MDGA2: variants seen among roughly 807,000 people sequenced by gnomAD.
MDGA2 encodes MAM domain containing glycosylphosphatidylinositol anchor 2.
In MDGA2, 40 loss-of-function variants were observed where a neutral mutation model predicts 117.8. That is an observed-to-expected ratio of 0.34 (90% CI 0.26 to 0.44). The LOEUF (loss-of-function observed/expected upper bound fraction) is 0.44, where lower values mean the gene tolerates loss of function less well. MDGA2 is among the 20% of genes least tolerant of loss of function. The pLI, the probability that MDGA2 is intolerant of heterozygous loss-of-function variation, is 1.00. For synonymous variants in MDGA2, 452 were observed against 439.0 expected (o/e 1.03, Z -0.37); for missense variants, 1,123 against 1,250.6 (o/e 0.90, Z 1.54).
intron 3 of MDGA2, among the ~76,000 whole-genome samples, chr14:47,176,844 T>C (rs956357685): frequency 6.6e-6 from 1 of 152,048 alleles, no homozygotes; most frequent in African/African-American, 2.4e-5. Flanking sequence ...CAAAAGAAAC[T>C]ACCATCAGAG....
chr14:47,629,746 CT>C (rs1897218951), intron 1 of MDGA2, among the ~76,000 whole-genome samples: 3 of 152,120 alleles, frequency 2.0e-5, no homozygotes, highest in Admixed American at 2.0e-4. Flanking sequence ...TAGGTGCATC[CT>C]TTCTTCCTAA....
rs562174508 is a variant in MDGA2, at chr14:47,520,006, TG to T, written c.280+154510del. Among the ~76,000 whole-genome samples the T allele has an allele frequency of 1.7e-4, 26 of 152,330 alleles. No homozygotes were observed. The South Asian group carries it at 5.4e-3, about 32-fold the overall frequency. On this transcript the variant is annotated intron_variant, in intron 1 of 16. Coordinates refer to ENST00000399232, the MANE Select transcript of MDGA2 (RefSeq NM_001113498.3). ...TGCTTGAGAACAAGGGGAACTATTTTGGAACAACCTCATATTTTTAAAGTCA... is the reference window on the plus strand; with the variant it reads ...TGCTTGAGAACAAGGGGAACTATTTTGAACAACCTCATATTTTTAAAGTCA...
intron 3 of MDGA2, among the ~76,000 whole-genome samples, chr14:47,186,599 A>C (rs1884920548): frequency 6.6e-6 from 1 of 151,928 alleles, no homozygotes; most frequent in African/African-American, 2.4e-5. Flanking sequence ...CAAGTAAGGA[A>C]ACAGAACTGG....
intron 1 of MDGA2, among the ~76,000 whole-genome samples, chr14:47,483,884 G>T (rs1474658495): frequency 6.6e-6 from 1 of 152,106 alleles, no homozygotes; most frequent in Non-Finnish European, 1.5e-5. Flanking sequence ...AGAAGTGCTG[G>T]AGTATTCCCA....
At chr14:46,878,590 T>C (rs1304922127) in intron 11 of MDGA2, among the ~76,000 whole-genome samples, 1 of 152,044 alleles carries the variant, frequency 6.6e-6, no homozygotes, top group Non-Finnish European at 1.5e-5. Context: ...CCACTATTCC[T>C]ACATACAGAA....
At chr14:46,892,670 TA>T (rs1566511016) in intron 10 of MDGA2, among the ~76,000 whole-genome samples, 1 of 151,644 alleles carries the variant, frequency 6.6e-6, no homozygotes, top group African/African-American at 2.4e-5. Context: ...AAAAAACAAA[TA>T]ATCTGACCCT....
chr14:47,157,602 TG>T (rs1280563772), intron 3 of MDGA2, among the ~76,000 whole-genome samples: 1 of 56,988 alleles, frequency 1.8e-5, no homozygotes, highest in African/African-American at 7.2e-5. Flanking sequence ...TATATGTGTG[TG>T]TGTGTGTGTG....
chr14:47,299,031 C>A (rs1489470340), intron 2 of MDGA2, among the ~76,000 whole-genome samples: 1 of 152,028 alleles, frequency 6.6e-6, no homozygotes, highest in Non-Finnish European at 1.5e-5. Flanking sequence ...AACTGATTCA[C>A]CTGCAAACAC....
rs780813021 is a variant in MDGA2, at chr14:47,665,144, G to A, written c.280+9373C>T. Among the ~76,000 whole-genome samples the A allele has an allele frequency of 2.0e-4, 30 of 151,488 alleles. 1 individual carries two copies. Among genetic ancestry groups the A allele is most frequent in the Admixed American group, 2.6e-4 (4 of 15,186 alleles). ...CACCTAGAACCCACACAATAGCAAT[G>A]CCCTTTCTTCCTTCTTTATCTATAT... On this transcript the variant is annotated intron_variant, in intron 1 of 16. Coordinates refer to ENST00000399232, the MANE Select transcript of MDGA2 (RefSeq NM_001113498.3).
At chr14:46,976,136 A>T (rs1470948973) in intron 8 of MDGA2, among the ~76,000 whole-genome samples, 1 of 152,172 alleles carries the variant, frequency 6.6e-6, no homozygotes, top group East Asian at 1.9e-4. Context: ...AAGATGGATG[A>T]CAGTGTTGGA....
Position 46,868,308 on chromosome 14 carries a change from T to C in MDGA2, c.2752+5125A>G, listed in dbSNP as rs533396815. Reference sequence around the variant, plus strand: ...GATTAAACAGGAGAAAAAGTACTTATTCAATTAGATAAACAAATATTTATT... The same window carrying C: ...GATTAAACAGGAGAAAAAGTACTTACTCAATTAGATAAACAAATATTTATT... On this transcript the variant is annotated intron_variant, in intron 14 of 16. Coordinates refer to ENST00000399232, the MANE Select transcript of MDGA2 (RefSeq NM_001113498.3). Among the ~76,000 whole-genome samples, 15 of 152,124 alleles carry C rather than the reference T, an allele frequency of 9.9e-5. No individual in the cohort carries two copies. The South Asian group carries it at 3.1e-3, about 32-fold the overall frequency.
chr14:46,896,481 T>C (rs1374236265), intron 10 of MDGA2, among the ~76,000 whole-genome samples: 2 of 152,098 alleles, frequency 1.3e-5, no homozygotes, highest in Non-Finnish European at 2.9e-5. Context: ...TCATCTAACT[T>C]ATGTTGGCAC....
chr14:47,315,454 T>C (rs1267756902), intron 1 of MDGA2, among the ~76,000 whole-genome samples: 1 of 152,158 alleles, frequency 6.6e-6, no homozygotes, highest in African/African-American at 2.4e-5. Context: ...GTGACTTTCT[T>C]GGCAGGGTCT....
chr14:46,853,394 T>A (rs1402238867), intron 15 of MDGA2, among the ~76,000 whole-genome samples: 1 of 151,538 alleles, frequency 6.6e-6, no homozygotes, highest in African/African-American at 2.4e-5. Context: ...AAACTATAAA[T>A]CCACAGATCC....
chr14:47,430,869 T>C (rs1048803515), intron 1 of MDGA2, among the ~76,000 whole-genome samples: 1 of 152,110 alleles, frequency 6.6e-6, no homozygotes, highest in Non-Finnish European at 1.5e-5. Context: ...AGTTAATTAA[T>C]TCAGTTTCAC....
chr14:46,846,473 C>T (rs543248094), intron 15 of MDGA2, among the ~76,000 whole-genome samples: 1 of 152,106 alleles, frequency 6.6e-6, no homozygotes, highest in East Asian at 1.9e-4. Context: ...ATGTATCAGT[C>T]TATTTATGTT....
At chr14:47,279,461 C>T (rs1297564951) in intron 2 of MDGA2, among the ~76,000 whole-genome samples, 1 of 152,050 alleles carries the variant, frequency 6.6e-6, no homozygotes, top group Non-Finnish European at 1.5e-5. Context: ...AACATTATCT[C>T]TTTTTCTTGG....
chr14:47,498,551 G>C (rs1594887809), intron 1 of MDGA2, among the ~76,000 whole-genome samples: 1 of 152,068 alleles, frequency 6.6e-6, no homozygotes, highest in South Asian at 2.1e-4. Context: ...ATAGGTACAA[G>C]AGAAATCATA....
chr14:46,990,866 CCACACACACACACACA>C (rs201132208), intron 8 of MDGA2, among the ~76,000 whole-genome samples: 1 of 140,802 alleles, frequency 7.1e-6, no homozygotes. Context: ...ACACACACAC[CCACACACACACACACA>C]CACACACACA....
Sources: allele counts gnomAD v4.1 joint callset (sites outside exome capture counted in the v4.1 genomes callset), GRCh38; gene constraint gnomAD v4.1.1; transcripts MANE v1.5; gene names NCBI Gene and HGNC (gene_info 2026-07-23, HGNC 2026-07-21).